Variants in LSG1 observed in about 807,000 individuals in gnomAD.
LSG1 encodes large 60S subunit nuclear export GTPase 1.
Under a neutral mutation model 82.6 loss-of-function variants are expected in LSG1, and 55 were observed. The ratio of observed to expected loss-of-function variants is 0.67; its 90% CI spans 0.54 to 0.83. The LOEUF is 0.83. Among genes scored for constraint, LSG1 ranks in the 40% least tolerant of loss-of-function variants. The pLI is 0.00. For synonymous variants in LSG1, 272 were observed against 282.5 expected, an observed-to-expected ratio of 0.96 and a Z score of 0.37; for missense variants, 809 against 807.9, an observed-to-expected ratio of 1.00 and a Z score of -0.02.
At chr3:194,650,531 AATC>A (rs1281365823) in intron 10 of LSG1, among the ~76,000 whole-genome samples, 3 of 152,360 alleles carry the variant, frequency 2.0e-5, no homozygotes, top group East Asian at 3.9e-4. Context: ...GATTAAATAT[AATC>A]AACCGTGAGA....
intron 2 of LSG1, among the ~76,000 whole-genome samples, chr3:194,669,366 T>C (rs1459250368): frequency 6.6e-6 from 1 of 151,902 alleles, no homozygotes; most frequent in Admixed American, 6.6e-5. Flanking sequence ...AACCCACACA[T>C]CCCCCCAAAA....
chr3:194,655,475 G>GCAAA lies in LSG1; in HGVS notation c.760-2337_760-2334dup, dbSNP rs1443933134. On this transcript the variant is annotated intron_variant, in intron 7 of 13. Coordinates refer to ENST00000265245, the MANE Select transcript of LSG1 (RefSeq NM_018385.3). ...ACAATAGAAATAATGGTTTAACAGGGCAAACTATTCTTCTGCCTAAGAATG... is the reference window on the plus strand; with the variant it reads ...ACAATAGAAATAATGGTTTAACAGGGCAAACAAACTATTCTTCTGCCTAAGAATG... Among the ~76,000 whole-genome samples, 4 of 152,154 alleles carry GCAAA rather than the reference G, an allele frequency of 2.6e-5. No homozygotes were observed. In the East Asian group the frequency reaches 7.7e-4, roughly 29 times the overall value.
At chr3:194,667,917 C>G (rs1247534203) in intron 2 of LSG1, among the ~76,000 whole-genome samples, 1 of 23,782 alleles carries the variant, frequency 4.2e-5, no homozygotes, top group Non-Finnish European at 8.3e-5. Flanking sequence ...GAGAGAGACT[C>G]CGTCTCAAAA....
rs1245598211 is a variant in LSG1 at position 194,641,732 on chromosome 3, G to A, written c.*336C>T. On this transcript the variant is annotated 3_prime_UTR_variant, in exon 14 of 14. Transcript: ENST00000265245. ...TGGTTCAAGTGATTCTCCTGCCTCA[G>A]CCTCCCGAGTAGCTGGGATTACAGG... 3 of 170,690 alleles carry A rather than the reference G, an allele frequency of 1.8e-5. No homozygotes were observed. Among genetic ancestry groups the A allele is most frequent in the South Asian group, 1.7e-4 (1 of 5,804 alleles). The allele number at this position is 170,690 out of a possible 1,614,324, so 10.6% of individuals were successfully genotyped here. A position where few individuals can be genotyped will look rare whatever the true frequency, so the allele number is the denominator to read the frequency against.
At chr3:194,660,698 C>A in intron 5 of LSG1, 2 of 307,366 alleles carry the variant, frequency 6.5e-6, no homozygotes, top group South Asian at 2.8e-5. Flanking sequence ...CCAATTCCAA[C>A]AATGTGTTTA....
At chr3:194,649,163 T>C (rs1472478473) in intron 10 of LSG1, 5 of 221,910 alleles carry the variant, frequency 2.3e-5, no homozygotes, top group Non-Finnish European at 4.4e-5. Flanking sequence ...TTAGGCAGGA[T>C]TACTTTTCCT....
chr3:194,660,742 T>C, intron 5 of LSG1: 1 of 395,786 alleles, frequency 2.5e-6, no homozygotes, highest in South Asian at 1.8e-5. Flanking sequence ...AAGTATTAAC[T>C]TAGGTTGCCC....
chr3:194,645,559 C>CAGACAG (rs1718522829), intron 12 of LSG1, among the ~76,000 whole-genome samples: 1 of 47,166 alleles, frequency 2.1e-5, no homozygotes, highest in African/African-American at 6.5e-5. Context: ...CACACACACA[C>CAGACAG]ACACACACAC....
At position 194,660,151 on chromosome 3, in the gene LSG1, G is replaced by T. The variant is rs1319656548; in HGVS notation, c.522-18C>A. ...CAATATCACTGAAAAACAAACACGAGATAGACCAATCACCGTGAAGTGAAA... is the reference window on the plus strand; with the variant it reads ...CAATATCACTGAAAAACAAACACGATATAGACCAATCACCGTGAAGTGAAA... On this transcript the variant is annotated intron_variant, in intron 5 of 13. Transcript: ENST00000265245. 5.6e-6 allele frequency: 9 copies of T among 1,606,978 alleles called. No individual in the cohort carries two copies. Among genetic ancestry groups the T allele is most frequent in the Non-Finnish European group, 7.7e-6 (9 of 1,173,572 alleles).
Position 194,651,234 on chromosome 3 carries a change from GT to G in LSG1, c.1174-19del. The G allele has an allele frequency of 6.5e-7, 1 of 1,548,078 alleles. No homozygotes were observed. Among genetic ancestry groups the G allele is most frequent in the Non-Finnish European group, 8.9e-7 (1 of 1,119,984 alleles). On this transcript the variant is annotated intron_variant, in intron 8 of 13. Coordinates refer to ENST00000265245, the MANE Select transcript of LSG1 (RefSeq NM_018385.3). ...TAGCCCACCTAGAAGAGACTCAGAA[GT>G]TACCAAACAGTAAAACAGTACATCT...
At chr3:194,671,147 C>T (rs1006423173) in intron 1 of LSG1, among the ~76,000 whole-genome samples, 1 of 152,038 alleles carries the variant, frequency 6.6e-6, no homozygotes, top group African/African-American at 2.4e-5. Context: ...ATATTAAGGG[C>T]CAAAAGTTTA....
rs1718372628 is a variant in LSG1, at chr3:194,641,284, T to C, written c.*784A>G. The C allele has an allele frequency of 6.6e-6, 1 of 152,214 alleles. No individual in the cohort carries two copies. Among genetic ancestry groups the C allele is most frequent in the Non-Finnish European group, 1.5e-5 (1 of 68,054 alleles). 9.4% of individuals were successfully genotyped at this position (152,214 alleles called of 1,614,324 possible). A position where few individuals can be genotyped will look rare whatever the true frequency, so the allele number is the denominator to read the frequency against. On this transcript the variant is annotated 3_prime_UTR_variant, in exon 14 of 14. Coordinates refer to ENST00000265245, the MANE Select transcript of LSG1 (RefSeq NM_018385.3). ...CATCGCTACAGTCAATTTTAGGACA[T>C]TTTTATCACTGCAAAAGAAAGACCT...
rs1718705578 is a variant in LSG1 at position 194,652,872 on chromosome 3, A to C, written c.1030T>G (p.Ser344Ala). The change falls in exon 8 of 14, where the codon TCT (serine) becomes GCT (alanine). Residue 344 changes from serine (S) to alanine (A), a missense_variant. Physicochemically the swap from Ser to Ala is moderately conservative, Grantham distance 99. Transcript: ENST00000265245. ...GGGGTTTTCCTGCTCCGAGCCTCAG[A>C]ATCTGCAGTAGAGCTTTCCTTCCAG... is the stretch of plus-strand genomic sequence containing the variant. ...QDWKESSTAD[S>A]EARSRKTPQK... 5 of 1,614,066 alleles carry C rather than the reference A, an allele frequency of 3.1e-6. No individual in the cohort carries two copies. Among genetic ancestry groups the C allele is most frequent in the Non-Finnish European group, 4.2e-6 (5 of 1,180,032 alleles).
At chr3:194,657,158 A>G (rs2108618885) in intron 7 of LSG1, among the ~76,000 whole-genome samples, 1 of 144,286 alleles carries the variant, frequency 6.9e-6, no homozygotes, top group South Asian at 2.3e-4. Context: ...TAATAGTAAA[A>G]TTAAAAAGAA....
rs1718523352 is a variant in LSG1, at chr3:194,645,563, C to CAGACAG, written c.1623+600_1623+601insCTGTCT. 1.5e-4 allele frequency among the ~76,000 whole-genome samples: 9 copies of CAGACAG among 58,746 alleles called. 1 individual carries two copies. Among genetic ancestry groups the CAGACAG allele is most frequent in the African/African-American group, 5.0e-4 (8 of 16,024 alleles). The allele number at this position is 58,746 out of a possible 152,430, so 38.5% of individuals were successfully genotyped here. A position where few individuals can be genotyped will look rare whatever the true frequency, so the allele number is the denominator to read the frequency against. ...ACACACACACACACACACACACACACACACACAGACAGACACACACACACA... is the reference window on the plus strand; with the variant it reads ...ACACACACACACACACACACACACACAGACAGACACACAGACAGACACACACACACA... On this transcript the variant is annotated intron_variant, in intron 12 of 13. Transcript: ENST00000265245.
At chr3:194,646,044 CA>C (rs1187630809) in intron 12 of LSG1, 119 bp downstream of exon 12, 20 of 956,038 alleles carry the variant, frequency 2.1e-5, no homozygotes, top group Middle Eastern at 2.2e-4. Flanking sequence ...ATCAAGAACA[CA>C]ACTCCAGTTT....
rs531578970 is a variant in LSG1 at position 194,667,311 on chromosome 3, A to G, written c.227-739T>C. Among the ~76,000 whole-genome samples the G allele has an allele frequency of 1.5e-3, 235 of 152,148 alleles. 1 individual carries two copies. Among genetic ancestry groups the G allele is most frequent in the African/African-American group, 5.3e-3 (220 of 41,530 alleles). On this transcript the variant is annotated intron_variant, in intron 2 of 13. Coordinates refer to ENST00000265245, the MANE Select transcript of LSG1 (RefSeq NM_018385.3). Reference sequence around the variant, plus strand: ...GGTGATCCGCCCGCCTCGGCCTCCCAAAGTGCTGGGGTTACAGGCATGAGC... The same window carrying G: ...GGTGATCCGCCCGCCTCGGCCTCCCGAAGTGCTGGGGTTACAGGCATGAGC...
intron 10 of LSG1, chr3:194,649,055 A>G: frequency 2.9e-6 from 1 of 350,398 alleles, no homozygotes; most frequent in South Asian, 3.8e-5. Context: ...TCTGAAACAG[A>G]CTTTAAAGAT....
At chr3:194,663,044 A>G (rs1232906219) in intron 5 of LSG1, among the ~76,000 whole-genome samples, 1 of 152,246 alleles carries the variant, frequency 6.6e-6, no homozygotes, top group African/African-American at 2.4e-5. Context: ...AACAAAGAGG[A>G]AAGACAGATA....
Sources: allele counts gnomAD v4.1 joint callset (sites outside exome capture counted in the v4.1 genomes callset), GRCh38; gene constraint gnomAD v4.1.1; transcripts MANE v1.5; gene names NCBI Gene and HGNC (gene_info 2026-07-23, HGNC 2026-07-21).